Variants in ADAP1 observed in about 807,000 individuals in gnomAD.
ADAP1 encodes the protein arf-GAP with dual PH domain-containing protein 1.
In ADAP1, 31 loss-of-function variants were observed where a neutral mutation model predicts 54.9. The ratio of observed to expected loss-of-function variants is 0.56; its 90% CI spans 0.42 to 0.76. The LOEUF is 0.76. Ranked by LOEUF, ADAP1 falls within the 30% of genes least tolerant of loss-of-function variation. The pLI is 0.00. For missense variants in ADAP1, 535 were observed against 512.4 expected (o/e 1.04, Z -0.42); for synonymous variants, 313 against 202.6 (o/e 1.55, Z -4.63).
Position 905,397 on chromosome 7 carries a change from G to GGAGAAAGGAGAAAGGGAGAAA in ADAP1, c.389-246_389-226dup, listed in dbSNP as rs1216044076. The GGAGAAAGGAGAAAGGGAGAAA allele has an allele frequency of 3.8e-5, 9 of 235,778 alleles. 2 individuals are homozygous for GGAGAAAGGAGAAAGGGAGAAA. In the East Asian group the frequency reaches 4.4e-4, roughly 11 times the overall value. 14.6% of individuals were successfully genotyped at this position (235,778 alleles called of 1,614,324 possible). On this transcript the variant is annotated intron_variant, in intron 4 of 10. Coordinates refer to ENST00000265846, the MANE Select transcript of ADAP1 (RefSeq NM_006869.4). ...GAAAGGAGAAAGGAGAAAGGAGAAAGGAGAAAGGAGAAAGGGAGAAAGAGA... is the reference window on the plus strand; with the variant it reads ...GAAAGGAGAAAGGAGAAAGGAGAAAGGAGAAAGGAGAAAGGGAGAAAGAGAAAGGAGAAAGGGAGAAAGAGA...
chr7:935,418 A>T lies in ADAP1; in HGVS notation c.170T>A (p.Val57Glu). 6.4e-7 allele frequency: 1 copy of T among 1,560,458 alleles called. No individual in the cohort carries two copies. The highest frequency in any genetic ancestry group is 8.7e-7 in the Non-Finnish European group (1 of 1,152,090). Residue 57 changes from valine (V) to glutamate (E), a missense_variant, in exon 2 of 11, where the codon GTG (valine) becomes GAG (glutamate). Coordinates refer to ENST00000265846, the MANE Select transcript of ADAP1 (RefSeq NM_006869.4). Reference protein sequence around the residue: ...IHRNIPQVSKVKSVRLDAWEE... With the variant: ...IHRNIPQVSKEKSVRLDAWEE... ...CCAGGCGTCCAGGCGGACGGACTTCACCTTGCTGACCTGGGGGATATTCCG... is the reference window on the plus strand; with the variant it reads ...CCAGGCGTCCAGGCGGACGGACTTCTCCTTGCTGACCTGGGGGATATTCCG...
In ADAP1 at chr7:899,443, C is replaced by T. The variant is rs1844671283; in HGVS notation, c.843G>A (p.Arg281=). The change falls in exon 9 of 11, where the codon AGG becomes AGA. Residue 281 remains arginine (R), a synonymous_variant. Coordinates refer to ENST00000265846, the MANE Select transcript of ADAP1 (RefSeq NM_006869.4). ...RKRWFTMDDR[R]LMYFKDPLDA... ...CCAGGGGGTCTTTGAAGTACATGAGCCTGCGGTCATCCATGGTGAACCAGC... is the reference window on the plus strand; with the variant it reads ...CCAGGGGGTCTTTGAAGTACATGAGTCTGCGGTCATCCATGGTGAACCAGC... 3 of 1,613,212 alleles carry T rather than the reference C, an allele frequency of 1.9e-6. No homozygotes were observed. The highest frequency in any genetic ancestry group is 1.7e-5 in the Admixed American group (1 of 60,006).
chr7:920,753 C>A lies in ADAP1; in HGVS notation c.306-703G>T, dbSNP rs1482883929. Reference sequence around the variant, plus strand: ...CCAGACATCCCTGCCCAGAGCCACCCACCACGGCCTCCCCATCCACCGTGA... The same window carrying A: ...CCAGACATCCCTGCCCAGAGCCACCAACCACGGCCTCCCCATCCACCGTGA... On this transcript the variant is annotated intron_variant, in intron 3 of 10. Coordinates refer to ENST00000265846, the MANE Select transcript of ADAP1 (RefSeq NM_006869.4). This position sits in a 1 kb window ranked among gnomAD's most constrained non-coding sequence, Gnocchi z 4.5. 1.3e-5 allele frequency: 20 copies of A among 1,540,204 alleles called. No individual in the cohort carries two copies. The highest frequency in any genetic ancestry group is 1.7e-5 in the Non-Finnish European group (19 of 1,139,638).
chr7:899,591 G>T, intron 8 of ADAP1, 101 bp from the exon 9 acceptor site: 1 of 1,363,440 alleles, frequency 7.3e-7, no homozygotes, highest in South Asian at 1.4e-5. Context: ...GACTGGCCCG[G>T]GTCAGTCACC....
chr7:941,683 G>A (rs1049570439), intron 1 of ADAP1, among the ~76,000 whole-genome samples: 2 of 152,124 alleles, frequency 1.3e-5, no homozygotes, highest in African/African-American at 2.4e-5. Flanking sequence ...ACGTTTTCGT[G>A]GGATGGGAGA....
rs769874754 is a variant in ADAP1 at position 920,925 on chromosome 7, G to A, written c.306-875C>T. ...ACAAATAGGAACCCTGTGGCTTCCT[G>A]CTGGGCCCACGTGAACAGCCTTGGA... is the stretch of plus-strand genomic sequence containing the variant. On this transcript the variant is annotated intron_variant, in intron 3 of 10. Coordinates refer to ENST00000265846, the MANE Select transcript of ADAP1 (RefSeq NM_006869.4). This position sits in a 1 kb window ranked among gnomAD's most constrained non-coding sequence, Gnocchi z 4.5. The A allele has an allele frequency of 3.4e-6, 5 of 1,491,076 alleles. No homozygotes were observed. Among genetic ancestry groups the A allele is most frequent in the African/African-American group, 2.8e-5 (2 of 71,910 alleles). The allele number at this position is 1,491,076 out of a possible 1,614,324, so 92.4% of individuals were successfully genotyped here.
Position 946,629 on chromosome 7 carries a change from C to T in ADAP1, c.82+7767G>A, listed in dbSNP as rs1176114938. Among the ~76,000 whole-genome samples, 2 of 152,068 alleles carry T rather than the reference C, an allele frequency of 1.3e-5. No homozygotes were observed. Among genetic ancestry groups the T allele is most frequent in the African/African-American group, 2.4e-5 (1 of 41,398 alleles). Reference sequence around the variant, plus strand: ...GGGAACCCCACGGTGAAGGCCATCCCCAGTCCTCCCTGGACCCACCCTGTC... The same window carrying T: ...GGGAACCCCACGGTGAAGGCCATCCTCAGTCCTCCCTGGACCCACCCTGTC... On this transcript the variant is annotated intron_variant, in intron 1 of 10. Coordinates refer to ENST00000265846, the MANE Select transcript of ADAP1 (RefSeq NM_006869.4). This position sits in a 1 kb window ranked among gnomAD's most constrained non-coding sequence, Gnocchi z 4.3.
At chr7:917,398 G>A (rs1209627369) in intron 4 of ADAP1, among the ~76,000 whole-genome samples, 4 of 152,106 alleles carry the variant, frequency 2.6e-5, no homozygotes, top group Non-Finnish European at 5.9e-5. Context: ...GGAGCACTGG[G>A]GGTCAGGGGC....
Position 946,757 on chromosome 7 carries a change from C to T in ADAP1, c.82+7639G>A, listed in dbSNP as rs2128112100. Among the ~76,000 whole-genome samples the T allele has an allele frequency of 6.6e-6, 1 of 152,374 alleles. No homozygotes were observed. Among genetic ancestry groups the T allele is most frequent in the South Asian group, 2.1e-4 (1 of 4,828 alleles). Reference sequence around the variant, plus strand: ...GCGGCCCATCTGGTCTCTCGGCTGTCAAACCCTATTTTTGGAACTCGATAG... The same window carrying T: ...GCGGCCCATCTGGTCTCTCGGCTGTTAAACCCTATTTTTGGAACTCGATAG... On this transcript the variant is annotated intron_variant, in intron 1 of 10. Coordinates refer to ENST00000265846, the MANE Select transcript of ADAP1 (RefSeq NM_006869.4). The surrounding 1 kb of genome is among the most constrained non-coding windows in gnomAD (Gnocchi z 4.3).
chr7:933,935 G>C (rs539271502), intron 2 of ADAP1, among the ~76,000 whole-genome samples: 3 of 2,410 alleles, frequency 1.2e-3, no homozygotes, highest in African/African-American at 2.7e-3. Context: ...GTCAGTGGTG[G>C]TGCAGAGCCG....
In ADAP1 at chr7:926,360, G is replaced by GCGCCCCCCC. The variant is rs1368110845; in HGVS notation, c.305+192_305+193insGGGGGGGCG. Among the ~76,000 whole-genome samples the GCGCCCCCCC allele has an allele frequency of 1.3e-4, 20 of 150,312 alleles. No individual in the cohort carries two copies. The highest frequency in any genetic ancestry group is 2.2e-4 in the African/African-American group (9 of 40,952). ...TCCCAGCCCCACCCCAGCGCCCCCC[G>GCGCCCCCCC]CCCCAGAACCAAAGCCCGGTGGTGG... On this transcript the variant is annotated intron_variant, in intron 3 of 10. Transcript: ENST00000265846. The surrounding 1 kb of genome is among the most constrained non-coding windows in gnomAD (Gnocchi z 4.6).
chr7:919,680 G>A (rs1251646922), intron 4 of ADAP1, among the ~76,000 whole-genome samples: 1 of 55,188 alleles, frequency 1.8e-5, no homozygotes. Context: ...CAGAAGGAGG[G>A]AGAGAGAGAG....
At position 905,038 on chromosome 7, in the gene ADAP1, C is replaced by G. The variant is rs746072377; in HGVS notation, c.501+22G>C. ...ATGCCGCCCTGGGACAGGCCCCCAC[C>G]CCACCCCCGTCTGTGACTCACATCA... On this transcript the variant is annotated intron_variant, in intron 5 of 10. Transcript: ENST00000265846. 2.5e-6 allele frequency: 4 copies of G among 1,600,410 alleles called. No homozygotes were observed. In the South Asian group the frequency reaches 3.3e-5, roughly 13 times the overall value.
rs1844714527 is a variant in ADAP1 at position 900,099 on chromosome 7, C to T, written c.795+3G>A. ...CCCCAGGCCGCACGTGCGGCACACC[C>T]ACCTTGGGCCCCGTCTTCTCCATGT... On this transcript the variant is annotated splice_donor_region_variant and intron_variant, in intron 8 of 10. Coordinates refer to ENST00000265846, the MANE Select transcript of ADAP1 (RefSeq NM_006869.4). 1 of 1,613,142 alleles carries T rather than the reference C, an allele frequency of 6.2e-7. No homozygotes were observed. The highest frequency in any genetic ancestry group is 1.1e-5 in the South Asian group (1 of 91,074).
chr7:917,368 A>G (rs1412114569), intron 4 of ADAP1, among the ~76,000 whole-genome samples: 34 of 88,858 alleles, frequency 3.8e-4, no homozygotes, highest in East Asian at 6.9e-4. Context: ...CAGCTCTACC[A>G]GGGAGGGCTG....
chr7:912,626 C>T (rs551868372), intron 4 of ADAP1, among the ~76,000 whole-genome samples: 3 of 152,222 alleles, frequency 2.0e-5, no homozygotes, highest in South Asian at 2.1e-4. Flanking sequence ...GGAGACACAG[C>T]GGCCACAGAG....
At chr7:942,436 GGAGA>G (rs1412636949) in intron 1 of ADAP1, among the ~76,000 whole-genome samples, 4 of 85,776 alleles carry the variant, frequency 4.7e-5, no homozygotes, top group African/African-American at 1.8e-4. Context: ...GAGGAGGAAG[GGAGA>G]GAGGAGGAGG....
At position 920,752 on chromosome 7, in the gene ADAP1, C is replaced by G. The variant is rs1020492006; in HGVS notation, c.306-702G>C. On this transcript the variant is annotated intron_variant, in intron 3 of 10. Transcript: ENST00000265846. This position sits in a 1 kb window ranked among gnomAD's most constrained non-coding sequence, Gnocchi z 4.5. Reference sequence around the variant, plus strand: ...CCCAGACATCCCTGCCCAGAGCCACCCACCACGGCCTCCCCATCCACCGTG... The same window carrying G: ...CCCAGACATCCCTGCCCAGAGCCACGCACCACGGCCTCCCCATCCACCGTG... 1.3e-6 allele frequency: 2 copies of G among 1,538,792 alleles called. No individual in the cohort carries two copies. The highest frequency in any genetic ancestry group is 3.9e-5 in the Admixed American group (2 of 50,748).
intron 3 of ADAP1, chr7:922,833 C>T (rs1035304227): frequency 2.0e-5 from 3 of 147,828 alleles, no homozygotes; most frequent in African/African-American, 7.5e-5. Context: ...CACGCACCTG[C>T]CTCTCAGCAA....
Sources: allele counts gnomAD v4.1 joint callset (sites outside exome capture counted in the v4.1 genomes callset), GRCh38; gene constraint gnomAD v4.1.1; non-coding constraint Gnocchi (gnomAD v3.1); transcripts MANE v1.5; gene names NCBI Gene and HGNC (gene_info 2026-07-23, HGNC 2026-07-21).